Variants in SH3GL2 observed in about 807,000 individuals in gnomAD.
SH3GL2 encodes SH3 domain containing GRB2 like 2, endophilin A1, also known as endophilin-A1.
Under a neutral mutation model 46.0 loss-of-function variants are expected in SH3GL2, and 24 were observed. The ratio of observed to expected loss-of-function variants is 0.52; its 90% CI spans 0.38 to 0.73. SH3GL2 has a LOEUF of 0.73. Among genes scored for constraint, SH3GL2 ranks in the 30% least tolerant of loss-of-function variants. SH3GL2 has a pLI of 0.00. For missense variants in SH3GL2, 413 were observed against 424.2 expected, an observed-to-expected ratio of 0.97 and a Z score of 0.23; for synonymous variants, 196 against 147.1, an observed-to-expected ratio of 1.33 and a Z score of -2.40.
At chr9:17,739,914 T>C (rs995278734) in intron 1 of SH3GL2, among the ~76,000 whole-genome samples, 5 of 152,078 alleles carry the variant, frequency 3.3e-5, no homozygotes, top group African/African-American at 2.4e-5. Context: ...ATCATACAAA[T>C]CAATTTCTGC....
At chr9:17,720,560 T>G (rs1332382634) in intron 1 of SH3GL2, among the ~76,000 whole-genome samples, 1 of 152,092 alleles carries the variant, frequency 6.6e-6, no homozygotes, top group Non-Finnish European at 1.5e-5. Context: ...GGCTGAACCC[T>G]GGTGATTGGC....
intron 1 of SH3GL2, among the ~76,000 whole-genome samples, chr9:17,670,995 T>C (rs1820460768): frequency 6.6e-6 from 1 of 152,210 alleles, no homozygotes; most frequent in Non-Finnish European, 1.5e-5. Context: ...GACCACATTT[T>C]GAGGACTACT....
intron 1 of SH3GL2, among the ~76,000 whole-genome samples, chr9:17,629,158 G>A (rs368520097): frequency 2.6e-5 from 4 of 152,140 alleles, no homozygotes; most frequent in South Asian, 4.2e-4. Flanking sequence ...CCCCAGTTCT[G>A]CCTTCCATGA....
chr9:17,608,575 T>C (rs1818803019), intron 1 of SH3GL2, among the ~76,000 whole-genome samples: 1 of 152,204 alleles, frequency 6.6e-6, no homozygotes, highest in African/African-American at 2.4e-5. Context: ...AATGTGTTGA[T>C]GGATTAAACA....
At chr9:17,691,677 C>T (rs918544099) in intron 1 of SH3GL2, among the ~76,000 whole-genome samples, 3 of 152,096 alleles carry the variant, frequency 2.0e-5, no homozygotes, top group African/African-American at 7.2e-5. Flanking sequence ...ATGGGATTTG[C>T]AGTCAGAGAA....
intron 1 of SH3GL2, among the ~76,000 whole-genome samples, chr9:17,611,937 G>T (rs1818876397): frequency 6.6e-6 from 1 of 152,178 alleles, no homozygotes; most frequent in African/African-American, 2.4e-5. Flanking sequence ...ATGCTTTATG[G>T]TTCTGTAAGC....
chr9:17,731,466 A>G (rs868623810), intron 1 of SH3GL2, among the ~76,000 whole-genome samples: 1 of 151,788 alleles, frequency 6.6e-6, no homozygotes. Context: ...ACAGAGAGAG[A>G]GAGAGAGCAT....
intron 1 of SH3GL2, among the ~76,000 whole-genome samples, chr9:17,647,274 A>G (rs1819841287): frequency 6.6e-6 from 1 of 152,186 alleles, no homozygotes; most frequent in South Asian, 2.1e-4. Context: ...ACTGTGCTAG[A>G]TATTGTGGGG....
chr9:17,591,398 A>C (rs1818479063), intron 1 of SH3GL2: 1 of 152,160 alleles, frequency 6.6e-6, no homozygotes, highest in African/African-American at 2.4e-5. Flanking sequence ...GCATTTACTC[A>C]GGAATGGGGG....
At chr9:17,679,232 A>C (rs1270097964) in intron 1 of SH3GL2, among the ~76,000 whole-genome samples, 2 of 152,202 alleles carry the variant, frequency 1.3e-5, no homozygotes, top group East Asian at 1.9e-4. Context: ...CAGTATGGCT[A>C]TTTTCATGAT....
chr9:17,636,332 C>T (rs1819543158), intron 1 of SH3GL2, among the ~76,000 whole-genome samples: 1 of 152,146 alleles, frequency 6.6e-6, no homozygotes, highest in Admixed American at 6.5e-5. Context: ...AATAACCTGC[C>T]TGACCTGTCT....
At chr9:17,769,315 T>C (rs1823404851) in intron 3 of SH3GL2, among the ~76,000 whole-genome samples, 1 of 152,228 alleles carries the variant, frequency 6.6e-6, no homozygotes, top group Non-Finnish European at 1.5e-5. Context: ...TTCTATTCTT[T>C]TATTGCACTT....
At chr9:17,584,792 T>C (rs1818342925) in intron 1 of SH3GL2, among the ~76,000 whole-genome samples, 1 of 152,130 alleles carries the variant, frequency 6.6e-6, no homozygotes, top group Non-Finnish European at 1.5e-5. Flanking sequence ...GTGGGGTATA[T>C]GAAAAGAAAG....
At chr9:17,742,487 G>T (rs964901393) in intron 1 of SH3GL2, among the ~76,000 whole-genome samples, 5 of 152,150 alleles carry the variant, frequency 3.3e-5, no homozygotes, top group Non-Finnish European at 7.4e-5. Flanking sequence ...AACGTGAGTT[G>T]ATTGTATTAT....
intron 1 of SH3GL2, among the ~76,000 whole-genome samples, chr9:17,682,364 G>GA (rs1820794439): frequency 6.6e-6 from 1 of 152,194 alleles, no homozygotes; most frequent in Non-Finnish European, 1.5e-5. Flanking sequence ...GTACACCATG[G>GA]AATACTATGC....
chr9:17,653,126 A>G (rs1355748147), intron 1 of SH3GL2, among the ~76,000 whole-genome samples: 1 of 152,122 alleles, frequency 6.6e-6, no homozygotes, highest in Non-Finnish European at 1.5e-5. Flanking sequence ...TTTGGTATTT[A>G]GTTTCATCCA....
chr9:17,749,587 A>G (rs1385417027), intron 2 of SH3GL2, among the ~76,000 whole-genome samples: 3 of 152,248 alleles, frequency 2.0e-5, no homozygotes, highest in African/African-American at 7.2e-5. Flanking sequence ...AGCATCTGCC[A>G]GGACTAAAGG....
At chr9:17,618,329 T>A (rs1455211064) in intron 1 of SH3GL2, among the ~76,000 whole-genome samples, 7 of 152,168 alleles carry the variant, frequency 4.6e-5, no homozygotes, top group Admixed American at 2.0e-4. Flanking sequence ...TGATATACCC[T>A]TCTCTAATGG....
Position 17,599,938 on chromosome 9 carries a change from A to G in SH3GL2, c.45+20651A>G, listed in dbSNP as rs148054255. Among the ~76,000 whole-genome samples, 1,256 of 149,690 alleles carry G rather than the reference A, an allele frequency of 8.4e-3. 10 individuals are homozygous for G. Among genetic ancestry groups the G allele is most frequent in the African/African-American group, 0.029 (1,158 of 39,810 alleles). ...CGGGAATAAATATCTAAGACTGCCT[A>G]TCTTTTTTTTTTTTCTAATCTGAAC... On this transcript the variant is annotated intron_variant, in intron 1 of 8. Transcript: ENST00000380607.
Sources: gnomAD v4.1 joint callset for allele counts (sites outside exome capture counted in the v4.1 genomes callset) on GRCh38, gnomAD v4.1.1 for gene constraint, MANE v1.5 for transcripts, NCBI Gene and HGNC (gene_info 2026-07-23, HGNC 2026-07-21) for gene names.